POU2AF3: variants seen among roughly 807,000 people sequenced by gnomAD.
The protein encoded by POU2AF3 is POU class 2 homeobox associating factor 3.
chr11:111,299,128 G>A, the POU2AF3 span: 1 of 959,708 alleles, frequency 1.0e-6, no homozygotes, highest in African/African-American at 1.8e-5. Flanking sequence ...CCTGGGTCCG[G>A]GCTAGGAAGA....
At chr11:111,299,619 C>G in the POU2AF3 span, 1 of 1,226,636 alleles carries the variant, frequency 8.2e-7, no homozygotes, top group South Asian at 4.3e-5. Context: ...CGGCGGAGTG[C>G]AGGGTCATCG....
the POU2AF3 span, among the ~76,000 whole-genome samples, chr11:111,307,536 T>C: frequency 6.6e-6 from 1 of 152,224 alleles, no homozygotes; most frequent in Non-Finnish European, 1.5e-5. Flanking sequence ...TAGACTTGCT[T>C]AAGAGAAAAC....
the POU2AF3 span, chr11:111,308,343 A>G: frequency 7.1e-6 from 11 of 1,551,600 alleles, no homozygotes; most frequent in Admixed American, 2.0e-5. Context: ...GAGTACTTCT[A>G]CCCGAGCACA....
At chr11:111,300,329 T>A in the POU2AF3 span, 4 of 341,468 alleles carry the variant, frequency 1.2e-5, no homozygotes, top group East Asian at 1.3e-4. Context: ...CTACTGGGGC[T>A]CTGAAACCTG....
chr11:111,298,908 G>C, the POU2AF3 span: 4 of 1,098,430 alleles, frequency 3.6e-6, no homozygotes, highest in African/African-American at 6.6e-5. Context: ...GCTGCTACGG[G>C]GGGAGCTAGA....
chr11:111,305,242 C>G, the POU2AF3 span, among the ~76,000 whole-genome samples: 3 of 152,232 alleles, frequency 2.0e-5, no homozygotes, highest in Admixed American at 6.5e-5. Flanking sequence ...TCCAGTTCCT[C>G]ATCGCCAAGT....
chr11:111,306,396 C>T, the POU2AF3 span: 2 of 1,448,300 alleles, frequency 1.4e-6, no homozygotes, highest in Non-Finnish European at 1.8e-6. Context: ...TCCTCTAGGA[C>T]TGTATTTTGA....
the POU2AF3 span, chr11:111,305,194 C>T: frequency 2.5e-6 from 1 of 393,080 alleles, no homozygotes; most frequent in East Asian, 3.6e-5. Flanking sequence ...TCTCTACTCT[C>T]TGCTATATTG....
At chr11:111,304,871 T>C in the POU2AF3 span, 1 of 1,016,726 alleles carries the variant, frequency 9.8e-7, no homozygotes, top group Non-Finnish European at 1.3e-6. Context: ...ATGTCTTAGC[T>C]TTCCCTTCAG....
At chr11:111,307,707 G>A in the POU2AF3 span, among the ~76,000 whole-genome samples, 1 of 152,092 alleles carries the variant, frequency 6.6e-6, no homozygotes, top group East Asian at 1.9e-4. Flanking sequence ...AAACATCCAG[G>A]GTGCCACCTA....
At chr11:111,298,827 C>CGGCG in the POU2AF3 span, 1 of 631,568 alleles carries the variant, frequency 1.6e-6, no homozygotes, top group Non-Finnish European at 2.2e-6. Flanking sequence ...GTACCCCAGG[C>CGGCG]CCCCGCCCGC....
chr11:111,304,630 G>A, the POU2AF3 span, among the ~76,000 whole-genome samples: 6 of 152,026 alleles, frequency 3.9e-5, no homozygotes, highest in Admixed American at 1.3e-4. Context: ...GATTATAAAC[G>A]TCAAAAGGCA....
chr11:111,305,193 T>C, the POU2AF3 span: 8 of 393,062 alleles, frequency 2.0e-5, no homozygotes, highest in Non-Finnish European at 3.6e-5. Flanking sequence ...TTCTCTACTC[T>C]CTGCTATATT....
At chr11:111,299,188 G>T in the POU2AF3 span, 1 of 965,270 alleles carries the variant, frequency 1.0e-6, no homozygotes, top group Non-Finnish European at 1.2e-6. Flanking sequence ...CCCGGCTTGA[G>T]GGGGATCCCT....
the POU2AF3 span, chr11:111,298,825 G>GGGGGGGGC: frequency 4.7e-6 from 4 of 852,672 alleles, no homozygotes; most frequent in Non-Finnish European, 6.2e-6. Flanking sequence ...GCGTACCCCA[G>GGGGGGGGC]GCCCCCGCCC....
the POU2AF3 span, among the ~76,000 whole-genome samples, chr11:111,303,238 C>T: frequency 1.4e-4 from 20 of 145,384 alleles, no homozygotes; most frequent in African/African-American, 4.4e-4. Context: ...TGCAAACATG[C>T]GCATGCACGC....
At chr11:111,298,827 C>CGGGGGGGGGGG in the POU2AF3 span, 37 of 631,544 alleles carry the variant, frequency 5.9e-5, no homozygotes, top group Non-Finnish European at 8.3e-5. Context: ...GTACCCCAGG[C>CGGGGGGGGGGG]CCCCGCCCGC....
At chr11:111,306,117 G>A in the POU2AF3 span, among the ~76,000 whole-genome samples, 1 of 152,162 alleles carries the variant, frequency 6.6e-6, no homozygotes, top group Non-Finnish European at 1.5e-5. Context: ...GCCATTATTT[G>A]ACTGTGACAC....
At chr11:111,307,465 T>C in the POU2AF3 span, among the ~76,000 whole-genome samples, 2 of 152,332 alleles carry the variant, frequency 1.3e-5, no homozygotes, top group African/African-American at 4.8e-5. Context: ...GGGGAAAATA[T>C]GGGGCCCCAG....
Sources: gnomAD v4.1 joint callset for allele counts (sites outside exome capture counted in the v4.1 genomes callset) on GRCh38, gnomAD v4.1.1 for gene constraint, MANE v1.5 for transcripts, NCBI Gene and HGNC (gene_info 2026-07-23, HGNC 2026-07-21) for gene names.